TSPAN2: variants seen among roughly 807,000 people sequenced by gnomAD.
TSPAN2 encodes the protein tetraspanin 2.
Under a neutral mutation model 33.3 loss-of-function variants are expected in TSPAN2, and 24 were observed. The observed-to-expected ratio is 0.72, with a 90% CI of 0.52 to 1.01. The LOEUF (loss-of-function observed/expected upper bound fraction) is 1.01. TSPAN2 is among the 50% of genes least tolerant of loss of function. The probability of loss-of-function intolerance (pLI) is 0.00; values close to 1 mark genes in which losing one functional copy is unlikely to be tolerated. For missense variants in TSPAN2, 278 were observed against 281.3 expected, an observed-to-expected ratio of 0.99 and a Z score of 0.08; for synonymous variants, 114 against 104.5, an observed-to-expected ratio of 1.09 and a Z score of -0.56.
intron 2 of TSPAN2, among the ~76,000 whole-genome samples, chr1:115,065,811 A>G (rs553118783): frequency 4.6e-4 from 70 of 152,266 alleles, no homozygotes; most frequent in East Asian, 2.5e-3. Flanking sequence ...GCTAAATATA[A>G]TTTTCCTACT....
At chr1:115,082,850 G>C (rs1178433098) in intron 1 of TSPAN2, among the ~76,000 whole-genome samples, 2 of 152,120 alleles carry the variant, frequency 1.3e-5, no homozygotes, top group Non-Finnish European at 2.9e-5. Flanking sequence ...AATGAAAAAA[G>C]CATGGGGTTT....
intron 1 of TSPAN2, among the ~76,000 whole-genome samples, chr1:115,085,412 C>G (rs1648795564): frequency 6.6e-6 from 1 of 152,120 alleles, no homozygotes; most frequent in African/African-American, 2.4e-5. Flanking sequence ...AAGCAAGCTG[C>G]CAGAGGAGGC....
At chr1:115,052,941 G>T (rs1193459328) in intron 7 of TSPAN2, among the ~76,000 whole-genome samples, 1 of 152,156 alleles carries the variant, frequency 6.6e-6, no homozygotes, top group Non-Finnish European at 1.5e-5. Flanking sequence ...GCTTGCAAAT[G>T]GTGGAGCCTA....
Position 115,071,381 on chromosome 1 carries a change from C to T in TSPAN2, c.172+1524G>A, listed in dbSNP as rs559673509. On this transcript the variant is annotated intron_variant, in intron 2 of 7. Coordinates refer to ENST00000369516, the MANE Select transcript of TSPAN2 (RefSeq NM_005725.6). The stretch of plus-strand genomic sequence containing the variant: ...TTTTGGATGTTGCTGTACGAGAATA[C>T]GATGCCTGGAGCCACTGCAGCTATC... 9.9e-5 allele frequency among the ~76,000 whole-genome samples: 15 copies of T among 152,278 alleles called. No individual in the cohort carries two copies. The South Asian group carries it at 1.7e-3, about 17-fold the overall frequency.
At chr1:115,070,289 CTTTCTG>C (rs1231786555) in intron 2 of TSPAN2, among the ~76,000 whole-genome samples, 2 of 151,496 alleles carry the variant, frequency 1.3e-5, no homozygotes, top group Non-Finnish European at 2.9e-5. Context: ...TGTTTCTTAT[CTTTCTG>C]TTTCTTTCTT....
intron 2 of TSPAN2, among the ~76,000 whole-genome samples, 187 bp downstream of exon 2, chr1:115,072,714 TCTAC>T (rs1222540130): frequency 6.6e-6 from 1 of 152,132 alleles, no homozygotes; most frequent in African/African-American, 2.4e-5. Context: ...CCACAGCCTC[TCTAC>T]CTGTCTCCAG....
At chr1:115,064,029 C>T (rs1239104568) in intron 2 of TSPAN2, among the ~76,000 whole-genome samples, 2 of 151,180 alleles carry the variant, frequency 1.3e-5, no homozygotes, top group Non-Finnish European at 2.9e-5. Flanking sequence ...GCCCATGTAC[C>T]CCCTGATTCT....
At chr1:115,062,030 G>GAGTC in intron 3 of TSPAN2, 105 bp downstream of exon 3, 1 of 914,894 alleles carries the variant, frequency 1.1e-6, no homozygotes, top group East Asian at 2.7e-5. Context: ...AGGGCTCAGA[G>GAGTC]AGTCCACGGA....
Position 115,057,569 on chromosome 1 carries a change from G to A in TSPAN2, c.484C>T (p.Pro162Ser). Residue 162 changes from proline to serine, a missense_variant, in exon 6 of 8, where the codon CCT (proline) becomes TCT (serine). Coordinates refer to ENST00000369516, the MANE Select transcript of TSPAN2 (RefSeq NM_005725.6). The part of the protein sequence containing the change: ...CGKESSEQVQ[P>S]TCPKELLGHK... The stretch of plus-strand genomic sequence containing the variant: ...CCTAGAAGCTCCTTTGGGCATGTAG[G>A]TTGGACCTGTTCGGAGCTTTCTTTT... 1 of 1,614,174 alleles carries A rather than the reference G, an allele frequency of 6.2e-7. No homozygotes were observed.
chr1:115,060,603 C>T, intron 3 of TSPAN2, 65 bp from the exon 4 acceptor site: 7 of 1,267,732 alleles, frequency 5.5e-6, no homozygotes, highest in Non-Finnish European at 7.8e-6. Context: ...TATTTTGCAC[C>T]TTAGTTTCCT....
intron 1 of TSPAN2, among the ~76,000 whole-genome samples, chr1:115,073,910 A>T (rs1036325235): frequency 4.6e-5 from 7 of 152,276 alleles, no homozygotes; most frequent in Admixed American, 4.6e-4. Flanking sequence ...GCTGCGTGCC[A>T]GCAGGCTCTA....
intron 1 of TSPAN2, among the ~76,000 whole-genome samples, chr1:115,081,468 G>T (rs1388775803): frequency 2.0e-5 from 3 of 152,194 alleles, no homozygotes; most frequent in Admixed American, 2.0e-4. Flanking sequence ...TCTTCTGGGT[G>T]TTCAGAATAT....
chr1:115,066,595 T>C (rs906890247), intron 2 of TSPAN2, among the ~76,000 whole-genome samples: 1 of 152,200 alleles, frequency 6.6e-6, no homozygotes, highest in Non-Finnish European at 1.5e-5. Flanking sequence ...AAAAATGTGG[T>C]TCCCCCCTTT....
chr1:115,060,133 G>T (rs1352257413), intron 4 of TSPAN2, among the ~76,000 whole-genome samples: 4 of 152,086 alleles, frequency 2.6e-5, no homozygotes, highest in African/African-American at 9.7e-5. Context: ...TGAGAATCTA[G>T]ATTCTTTCTC....
intron 4 of TSPAN2, 27 bp downstream of exon 4, chr1:115,060,437 A>G: frequency 6.4e-7 from 1 of 1,558,412 alleles, no homozygotes; most frequent in Non-Finnish European, 8.8e-7. Flanking sequence ...ACCATCATAG[A>G]AAAACATTAT....
At position 115,062,090 on chromosome 1, in the gene TSPAN2, G is replaced by C. The variant is rs761054565; in HGVS notation, c.270+45C>G. On this transcript the variant is annotated intron_variant, in intron 3 of 7. Transcript: ENST00000369516. ...CACTGACTCCCTTCAGATGCAGGCC[G>C]CTCCCTCACCCCCACCCCACCATTT... The C allele has an allele frequency of 4.1e-6, 6 of 1,448,362 alleles. No individual in the cohort carries two copies. The Admixed American group carries it at 1.2e-4, about 29-fold the overall frequency. The allele number at this position is 1,448,362 out of a possible 1,614,324, so 89.7% of individuals were successfully genotyped here.
intron 1 of TSPAN2, among the ~76,000 whole-genome samples, chr1:115,079,132 T>C (rs1438196896): frequency 1.2e-5 from 1 of 85,952 alleles, no homozygotes; most frequent in Non-Finnish European, 2.2e-5. Flanking sequence ...AATACAATTA[T>C]AGCGCCACAC....
intron 1 of TSPAN2, among the ~76,000 whole-genome samples, chr1:115,088,338 C>A (rs980189302): frequency 3.9e-5 from 6 of 152,198 alleles, no homozygotes; most frequent in African/African-American, 1.2e-4. Flanking sequence ...CTGGTAGTTT[C>A]AAAGCACCCA....
chr1:115,089,229 T>G, intron 1 of TSPAN2, 135 bp downstream of exon 1: 2 of 616,422 alleles, frequency 3.2e-6, no homozygotes, highest in Non-Finnish European at 2.6e-6. Flanking sequence ...TGCCTTCTCC[T>G]CGCCTCCGCG....
Sources: gnomAD v4.1 joint callset for allele counts (sites outside exome capture counted in the v4.1 genomes callset) on GRCh38, gnomAD v4.1.1 for gene constraint, MANE v1.5 for transcripts, NCBI Gene and HGNC (gene_info 2026-07-23, HGNC 2026-07-21) for gene names.